The following EXOG variants were observed in gnomAD, a reference collection of about 807,000 sequenced individuals.
EXOG encodes the protein exo/endonuclease G, also known as nuclease EXOG, mitochondrial.
A neutral mutation model predicts 25.8 loss-of-function variants in EXOG; 27 were observed. The ratio of observed to expected loss-of-function variants is 1.05; its 90% CI spans 0.77 to 1.45. The LOEUF (loss-of-function observed/expected upper bound fraction) is 1.45. Ranked by LOEUF, EXOG falls within the 40% of genes most tolerant of loss-of-function variation. EXOG has a pLI of 0.00. For missense variants in EXOG, 458 were observed against 450.5 expected (o/e 1.02, Z -0.15); for synonymous variants, 133 against 167.0 (o/e 0.80, Z 1.57).
At chr3:38,496,758 A>G (rs940128193) in intron 1 of EXOG, 9 of 1,439,472 alleles carry the variant, frequency 6.3e-6, no homozygotes, top group African/African-American at 1.5e-5. Context: ...CGTTTTCTGC[A>G]CAGAACCACC....
intron 2 of EXOG, chr3:38,498,841 G>A (rs2059966764): frequency 4.6e-6 from 2 of 438,890 alleles, no homozygotes; most frequent in South Asian, 3.2e-5. Flanking sequence ...AAGCAGGTGT[G>A]TCAGTTTATT....
intron 2 of EXOG, chr3:38,499,077 CT>C: frequency 4.8e-6 from 2 of 414,244 alleles, no homozygotes; most frequent in Non-Finnish European, 9.7e-6. Context: ...GTGAATTAGT[CT>C]TTTTTGGTAA....
rs1243164206 is a variant in EXOG, at chr3:38,524,482, G to GTC, written c.*123_*124dup. On this transcript the variant is annotated 3_prime_UTR_variant, in exon 6 of 6. Coordinates refer to ENST00000287675, the MANE Select transcript of EXOG (RefSeq NM_005107.4). The stretch of plus-strand genomic sequence containing the variant: ...AAAGTTTTTCTCTTTAAGAGATGTG[G>GTC]TCTCGCCGTGTCATCCAGGCTGGAG... 2.8e-6 allele frequency: 4 copies of GTC among 1,418,746 alleles called. No homozygotes were observed. Among genetic ancestry groups the GTC allele is most frequent in the Non-Finnish European group, 3.7e-6 (4 of 1,082,838 alleles). 87.9% of individuals were successfully genotyped at this position (1,418,746 alleles called of 1,614,324 possible).
intron 5 of EXOG, chr3:38,519,256 A>T (rs1200001661): frequency 6.6e-6 from 1 of 152,172 alleles, no homozygotes; most frequent in African/African-American, 2.4e-5. Context: ...CCCCTTTATT[A>T]TATAGCTGAG....
intron 5 of EXOG, among the ~76,000 whole-genome samples, 176 bp from the exon 6 acceptor site, chr3:38,523,725 G>T (rs2060794705): frequency 6.6e-6 from 1 of 152,154 alleles, no homozygotes; most frequent in Non-Finnish European, 1.5e-5. Flanking sequence ...TACTCTTCTT[G>T]TATGTGAATC....
Position 38,525,672 on chromosome 3 carries a change from G to C in EXOG, c.*1310G>C, listed in dbSNP as rs1219061858. 5.1e-6 allele frequency: 5 copies of C among 978,344 alleles called. No homozygotes were observed. The Admixed American group carries it at 1.8e-4, about 36-fold the overall frequency. The allele number at this position is 978,344 out of a possible 1,614,324, so 60.6% of individuals were successfully genotyped here. On this transcript the variant is annotated 3_prime_UTR_variant, in exon 6 of 6. Coordinates refer to ENST00000287675, the MANE Select transcript of EXOG (RefSeq NM_005107.4). ...TATGAAGGATCTGCAGCCAGGCATG[G>C]TGGCTCAGGCCTATAATCTCAGCAC...
At chr3:38,496,835 C>G (rs1316499274) in intron 1 of EXOG, 2 of 1,369,970 alleles carry the variant, frequency 1.5e-6, no homozygotes, top group African/African-American at 1.5e-5. Flanking sequence ...TCTGTGTTCT[C>G]TACTAAGATT....
In EXOG at chr3:38,496,462, G is replaced by A. The variant is rs2059889217; in HGVS notation, c.95G>A (p.Gly32Glu). ...GCTGTAGTGGGCGCTGCGGGAGCTG[G>A]GCTCGCGGCCCTGCAGTTCTTCCGG... ...AGAVVGAAGA[G>E]LAALQFFRSQ... The change falls in exon 1 of 6, where the codon GGG becomes GAG. Residue 32 changes from glycine (G) to glutamate (E), a missense_variant. Gly to Glu is a moderately conservative substitution (Grantham distance 98). Transcript: ENST00000287675. 1 of 1,613,938 alleles carries A rather than the reference G, an allele frequency of 6.2e-7. No homozygotes were observed. The highest frequency in any genetic ancestry group is 1.3e-5 in the African/African-American group (1 of 74,944).
Position 38,496,364 on chromosome 3 carries a change from C to T in EXOG, c.-4C>T, listed in dbSNP as rs773707653. On this transcript the variant is annotated 5_prime_UTR_variant, in exon 1 of 6. Transcript: ENST00000287675. ...CGTGGTAAAAGGCCGGTACCTCGGG[C>T]AAGATGGCTATCAAGAGTATCGCTT... 25 of 1,611,926 alleles carry T rather than the reference C, an allele frequency of 1.6e-5. No homozygotes were observed. In the South Asian group the frequency reaches 2.8e-4, roughly 18 times the overall value.
chr3:38,501,207 T>A (rs1418015425), intron 2 of EXOG, 148 bp from the exon 3 acceptor site: 2 of 648,222 alleles, frequency 3.1e-6, no homozygotes, highest in African/African-American at 3.6e-5. Flanking sequence ...GTATCTGAAC[T>A]ATCCCAGGAA....
At chr3:38,498,892 A>G (rs1559672945) in intron 2 of EXOG, 1 of 456,622 alleles carries the variant, frequency 2.2e-6, no homozygotes, top group East Asian at 7.0e-5. Flanking sequence ...TAGAATTGCC[A>G]GATCTTGATA....
At position 38,501,433 on chromosome 3, in the gene EXOG, A is replaced by G. The variant is rs1171374442; in HGVS notation, c.392A>G (p.Tyr131Cys). ...ACCTTCAGTGCCTTCAATGAAGATT[A>G]TGTTGGAAGTGGGTGGTCACGAGGA... ...PPTFSAFNED[Y>C]VGSGWSRGHM... The change falls in exon 3 of 6, where the codon TAT (tyrosine) becomes TGT (cysteine). Residue 131 changes from tyrosine to cysteine, a missense_variant. Physicochemically the swap from Tyr to Cys is radical, Grantham distance 194. This residue lies in a region of EXOG where 275 missense variants were observed against 230.5 expected (regional missense o/e 1.19). Transcript: ENST00000287675. 7 of 1,613,618 alleles carry G rather than the reference A, an allele frequency of 4.3e-6. No homozygotes were observed. Among genetic ancestry groups the G allele is most frequent in the Non-Finnish European group, 5.1e-6 (6 of 1,179,606 alleles).
Position 38,525,898 on chromosome 3 carries a change from C to G in EXOG, c.*1536C>G. The stretch of plus-strand genomic sequence containing the variant: ...GGTCAAGGCTGCGATGGGACATGGT[C>G]ATGCCACTGGACGCCAGCCTGGGCC... On this transcript the variant is annotated 3_prime_UTR_variant, in exon 6 of 6. Coordinates refer to ENST00000287675, the MANE Select transcript of EXOG (RefSeq NM_005107.4). 5.0e-6 allele frequency: 4 copies of G among 806,848 alleles called. No individual in the cohort carries two copies. Among genetic ancestry groups the G allele is most frequent in the Non-Finnish European group, 6.0e-6 (4 of 666,918 alleles). 50.0% of individuals were successfully genotyped at this position (806,848 alleles called of 1,614,324 possible). A position where few individuals can be genotyped will look rare whatever the true frequency, so the allele number is the denominator to read the frequency against.
At chr3:38,509,748 AT>A (rs1323522423) in intron 5 of EXOG, among the ~76,000 whole-genome samples, 6 of 152,192 alleles carry the variant, frequency 3.9e-5, no homozygotes, top group African/African-American at 1.4e-4. Context: ...GCTATTGAAT[AT>A]CAAAATAAAA....
At chr3:38,519,688 C>T (rs1366535805) in intron 5 of EXOG, among the ~76,000 whole-genome samples, 1 of 152,170 alleles carries the variant, frequency 6.6e-6, no homozygotes. Context: ...CCATTGACAG[C>T]CTAGAAAGAG....
In EXOG at chr3:38,496,995, G is replaced by A. The variant is rs138938212; in HGVS notation, c.163+465G>A. On this transcript the variant is annotated intron_variant, in intron 1 of 5. Transcript: ENST00000287675. ...TAGATGAGTTAACTGCCCTTCTTTC[G>A]TCATTGTTCAGTTGAAGAATACCTG... 52 of 1,045,648 alleles carry A rather than the reference G, an allele frequency of 5.0e-5. No individual in the cohort carries two copies. In the African/African-American group the frequency reaches 8.1e-4, roughly 16 times the overall value. 64.8% of individuals were successfully genotyped at this position (1,045,648 alleles called of 1,614,324 possible).
At chr3:38,504,504 C>T (rs913112385) in intron 4 of EXOG, among the ~76,000 whole-genome samples, 14 of 152,124 alleles carry the variant, frequency 9.2e-5, no homozygotes, top group African/African-American at 2.9e-4. Context: ...GGCACAATCT[C>T]GGCTCACTAC....
chr3:38,506,165 T>C (rs2060196697), intron 4 of EXOG, among the ~76,000 whole-genome samples: 1 of 151,484 alleles, frequency 6.6e-6, no homozygotes, highest in South Asian at 2.1e-4. Context: ...TGAGACTCCA[T>C]CTAAAAAAAA....
intron 5 of EXOG, among the ~76,000 whole-genome samples, chr3:38,521,510 C>T (rs530251856): frequency 2.3e-4 from 35 of 152,312 alleles, no homozygotes; most frequent in African/African-American, 8.4e-4. Flanking sequence ...TGTTTGTAGA[C>T]AAGGAGTCCA....
Sources: allele counts gnomAD v4.1 joint callset (sites outside exome capture counted in the v4.1 genomes callset), GRCh38; gene constraint gnomAD v4.1.1; regional missense constraint gnomAD v4.1.1; transcripts MANE v1.5; gene names NCBI Gene and HGNC (gene_info 2026-07-23, HGNC 2026-07-21).